CTNNA2: variants seen among roughly 807,000 people sequenced by gnomAD.
CTNNA2 encodes the protein catenin alpha-2.
CTNNA2 carries 42 observed loss-of-function variants against 101.0 expected under a neutral mutation model. That is an observed-to-expected ratio of 0.42 (90% CI 0.32 to 0.54). The LOEUF (loss-of-function observed/expected upper bound fraction) is 0.54, where lower values mean the gene tolerates loss of function less well. Ranked by LOEUF, CTNNA2 falls within the 20% of genes least tolerant of loss-of-function variation. The pLI, the probability that CTNNA2 is intolerant of heterozygous loss-of-function variation, is 0.14. For synonymous variants in CTNNA2, 450 were observed against 456.4 expected (o/e 0.99, Z 0.18); for missense variants, 871 against 1,223.1 (o/e 0.71, Z 4.29).
chr2:80,494,136 G>A (rs1217949768), intron 9 of CTNNA2, among the ~76,000 whole-genome samples: 3 of 152,180 alleles, frequency 2.0e-5, no homozygotes, highest in Non-Finnish European at 2.9e-5. Flanking sequence ...CCGTAATAAA[G>A]GAGGCATTGG....
chr2:80,639,807 T>A (rs1022568921), intron 18 of CTNNA2, among the ~76,000 whole-genome samples: 6 of 152,034 alleles, frequency 3.9e-5, no homozygotes, highest in Non-Finnish European at 8.8e-5. Flanking sequence ...ATCCTTTAGA[T>A]AAAAATATTT....
chr2:80,323,094 G>T (rs1046517810), intron 7 of CTNNA2, among the ~76,000 whole-genome samples: 3 of 152,188 alleles, frequency 2.0e-5, no homozygotes, highest in Non-Finnish European at 2.9e-5. Context: ...GAGTGACCAG[G>T]GTCAGTGCTG....
At chr2:80,181,713 G>A (rs1345932405) in intron 7 of CTNNA2, among the ~76,000 whole-genome samples, 1 of 152,046 alleles carries the variant, frequency 6.6e-6, no homozygotes, top group Admixed American at 6.6e-5. Flanking sequence ...ATATTCCTTG[G>A]TTCTCCACGT....
intron 9 of CTNNA2, among the ~76,000 whole-genome samples, chr2:80,442,427 A>ATGAGCCACTT (rs1282996481): frequency 1.3e-5 from 2 of 152,210 alleles, no homozygotes; most frequent in Non-Finnish European, 2.9e-5. Context: ...CAAACCAGCC[A>ATGAGCCACTT]TGAGCCACTT....
chr2:80,577,642 A>AGT (rs959468913), intron 13 of CTNNA2, among the ~76,000 whole-genome samples: 49 of 141,908 alleles, frequency 3.5e-4, no homozygotes, highest in African/African-American at 1.2e-3. Context: ...AGGCCAGGCC[A>AGT]GACTTGCTGG....
At chr2:79,355,090 G>A (rs1278018497) in intron 3 of CTNNA2, among the ~76,000 whole-genome samples, 3 of 152,004 alleles carry the variant, frequency 2.0e-5, no homozygotes, top group Non-Finnish European at 2.9e-5. Flanking sequence ...TAATCTATGT[G>A]TTCATTTTTG....
At chr2:80,022,766 G>A (rs1694659648) in intron 7 of CTNNA2, among the ~76,000 whole-genome samples, 1 of 152,202 alleles carries the variant, frequency 6.6e-6, no homozygotes, top group South Asian at 2.1e-4. Flanking sequence ...AGTCTGTGAG[G>A]AGGAAGGCCT....
At chr2:79,342,651 A>C (rs73940509) in intron 3 of CTNNA2, among the ~76,000 whole-genome samples, 4 of 152,218 alleles carry the variant, frequency 2.6e-5, no homozygotes, top group African/African-American at 7.2e-5. Flanking sequence ...TACACTACTC[A>C]TAATTAAACA....
intron 2 of CTNNA2, among the ~76,000 whole-genome samples, chr2:79,233,908 G>A (rs536013307): frequency 1.3e-4 from 19 of 150,774 alleles, no homozygotes; most frequent in African/African-American, 2.0e-4. Context: ...ATTATTCTCC[G>A]TTCCTTTACT....
chr2:80,001,514 C>T (rs1692945827), intron 7 of CTNNA2, among the ~76,000 whole-genome samples: 1 of 152,178 alleles, frequency 6.6e-6, no homozygotes, highest in African/African-American at 2.4e-5. Flanking sequence ...TGTACCTTCA[C>T]AATTTATAGG....
chr2:79,711,591 G>A lies in CTNNA2; in HGVS notation c.103-32796G>A, dbSNP rs536946144. Among the ~76,000 whole-genome samples the A allele has an allele frequency of 9.3e-4, 142 of 152,198 alleles. 4 individuals carry two copies. The South Asian group carries it at 0.029, about 31-fold the overall frequency. On this transcript the variant is annotated intron_variant, in intron 2 of 18. Coordinates refer to ENST00000402739, the MANE Select transcript of CTNNA2 (RefSeq NM_001282597.3). ...TTTTTTCTCATTTTGTTGCAAATAAGAATTGGAATGGGTATATACAAATAA... is the reference window on the plus strand; with the variant it reads ...TTTTTTCTCATTTTGTTGCAAATAAAAATTGGAATGGGTATATACAAATAA...
intron 7 of CTNNA2, among the ~76,000 whole-genome samples, chr2:79,920,053 C>T (rs1686546150): frequency 6.6e-6 from 1 of 152,026 alleles, no homozygotes; most frequent in African/African-American, 2.4e-5. Context: ...CCCGTCTCTA[C>T]AAAAAATACA....
intron 7 of CTNNA2, among the ~76,000 whole-genome samples, chr2:80,244,541 A>G (rs1671183555): frequency 6.6e-6 from 1 of 152,216 alleles, no homozygotes; most frequent in African/African-American, 2.4e-5. Flanking sequence ...TTAGACTCAG[A>G]TGGTCCACAT....
chr2:80,569,292 C>A (rs545987076), intron 12 of CTNNA2, among the ~76,000 whole-genome samples: 4 of 152,178 alleles, frequency 2.6e-5, no homozygotes, highest in African/African-American at 9.6e-5. Flanking sequence ...CTAGGGATAT[C>A]ATCGTTTTGT....
chr2:80,012,334 T>G (rs1693849267), intron 7 of CTNNA2, among the ~76,000 whole-genome samples: 1 of 152,176 alleles, frequency 6.6e-6, no homozygotes, highest in South Asian at 2.1e-4. Flanking sequence ...AAGATAATGG[T>G]CCATGAGAGG....
At chr2:79,215,961 C>T (rs530032337) in intron 2 of CTNNA2, among the ~76,000 whole-genome samples, 1 of 152,024 alleles carries the variant, frequency 6.6e-6, no homozygotes, top group Admixed American at 6.5e-5. Context: ...GGGGTTGGGA[C>T]TGAGGGGACA....
intron 2 of CTNNA2, among the ~76,000 whole-genome samples, chr2:79,254,366 G>A (rs1217845880): frequency 6.6e-6 from 1 of 152,276 alleles, no homozygotes; most frequent in African/African-American, 2.4e-5. Flanking sequence ...TGGGTGTGGA[G>A]TTCCCATGAA....
intron 9 of CTNNA2, among the ~76,000 whole-genome samples, chr2:80,440,157 A>G (rs1222315815): frequency 6.6e-6 from 1 of 152,138 alleles, no homozygotes; most frequent in East Asian, 1.9e-4. Context: ...CAAAGTCTGG[A>G]AAGGATTGAT....
chr2:79,690,120 C>G (rs1194230637), intron 2 of CTNNA2, among the ~76,000 whole-genome samples: 2 of 151,824 alleles, frequency 1.3e-5, no homozygotes, highest in Non-Finnish European at 2.9e-5. Flanking sequence ...TGCAAGAAAA[C>G]TGCATGTATT....
Sources: allele counts gnomAD v4.1 joint callset (sites outside exome capture counted in the v4.1 genomes callset), GRCh38; gene constraint gnomAD v4.1.1; transcripts MANE v1.5; gene names NCBI Gene and HGNC (gene_info 2026-07-23, HGNC 2026-07-21).